The following SLC33A2 variants were observed in gnomAD, a reference collection of about 807,000 sequenced individuals.
The protein encoded by SLC33A2 is major facilitator superfamily domain containing 3.
At chr8:144,509,896 G>A in the SLC33A2 span, 3 of 1,550,250 alleles carry the variant, frequency 1.9e-6, no homozygotes, top group South Asian at 1.2e-5. Flanking sequence ...CCAGCCCTGC[G>A]GCGGCTCCCA....
chr8:144,511,024 C>G, the SLC33A2 span: 113 of 1,603,172 alleles, frequency 7.0e-5, no homozygotes, highest in Non-Finnish European at 9.0e-5. Flanking sequence ...CACGCTGGAG[C>G]TGCTGGGGAA....
At chr8:144,509,835 C>T in the SLC33A2 span, 22 of 1,537,134 alleles carry the variant, frequency 1.4e-5, no homozygotes, top group Non-Finnish European at 1.8e-5. Context: ...GCAACTCTTT[C>T]TGCTCCTGGC....
chr8:144,509,609 T>A, the SLC33A2 span: 1 of 1,552,024 alleles, frequency 6.4e-7, no homozygotes, highest in African/African-American at 1.4e-5. Context: ...CTCCTGGAGC[T>A]GGCCAGGCCG....
At chr8:144,509,155 A>T in the SLC33A2 span, 1 of 579,824 alleles carries the variant, frequency 1.7e-6, no homozygotes, top group Non-Finnish European at 2.7e-6. Context: ...TGGGGTGTTG[A>T]TGCTCCTAAA....
At chr8:144,510,032 G>T in the SLC33A2 span, 234 of 1,586,586 alleles carry the variant, frequency 1.5e-4, no homozygotes, top group Non-Finnish European at 1.9e-4. Flanking sequence ...GAGGCCTCGA[G>T]CCAGGCAACA....
At chr8:144,509,748 C>CAGGT in the SLC33A2 span, 38 of 1,566,150 alleles carry the variant, frequency 2.4e-5, no homozygotes, top group Non-Finnish European at 3.3e-5. Flanking sequence ...CAATACCGTG[C>CAGGT]AGGTGGTCGC....
At chr8:144,510,119 G>A in the SLC33A2 span, 7 of 1,392,438 alleles carry the variant, frequency 5.0e-6, no homozygotes, top group African/African-American at 1.4e-5. Flanking sequence ...GCTCTTTCTG[G>A]GGTATGACCT....
the SLC33A2 span, chr8:144,510,920 G>C: frequency 3.7e-6 from 6 of 1,602,286 alleles, no homozygotes; most frequent in Non-Finnish European, 5.1e-6. Context: ...AGATGTAGCA[G>C]GGACACAAGA....
chr8:144,509,663 G>T, the SLC33A2 span: 1 of 1,552,862 alleles, frequency 6.4e-7, no homozygotes, highest in East Asian at 2.4e-5. Context: ...TGTTGAACCT[G>T]GGTGCCGCCA....
chr8:144,509,554 C>T, the SLC33A2 span: 1 of 1,518,858 alleles, frequency 6.6e-7, no homozygotes, highest in South Asian at 1.2e-5. Flanking sequence ...ACGCGCAGCA[C>T]GGCGGGCCTG....
the SLC33A2 span, chr8:144,509,599 C>G: frequency 6.5e-7 from 1 of 1,545,896 alleles, no homozygotes; most frequent in South Asian, 1.2e-5. Flanking sequence ...GGGCTGCCCC[C>G]TCCTGGAGCT....
At chr8:144,510,891 C>CA in the SLC33A2 span, 1 of 1,605,746 alleles carries the variant, frequency 6.2e-7, no homozygotes, top group African/African-American at 1.3e-5. Context: ...AGCTGGCCCC[C>CA]AGGGCCCTGC....
At chr8:144,510,272 C>A in the SLC33A2 span, 1 of 1,560,486 alleles carries the variant, frequency 6.4e-7, no homozygotes, top group Non-Finnish European at 8.7e-7. Context: ...CTGAGGAGAG[C>A]AGGGCAGGAC....
chr8:144,510,083 G>A, the SLC33A2 span: 148 of 1,520,306 alleles, frequency 9.7e-5, no homozygotes, highest in Non-Finnish European at 1.3e-4. Flanking sequence ...GTGTCCCCAG[G>A]GGCTTGCAAC....
chr8:144,509,596 C>G, the SLC33A2 span: 1 of 1,542,968 alleles, frequency 6.5e-7, no homozygotes, highest in East Asian at 2.4e-5. Context: ...GCCGGGCTGC[C>G]CCCTCCTGGA....
chr8:144,510,903 G>C, the SLC33A2 span: 3 of 1,604,676 alleles, frequency 1.9e-6, no homozygotes, highest in East Asian at 2.2e-5. Flanking sequence ...GGGCCCTGCA[G>C]GTGAGTAGAT....
chr8:144,510,879 CCAGCTGGCCCCCAGGGCCCTGCA>C, the SLC33A2 span: 1 of 1,607,808 alleles, frequency 6.2e-7, no homozygotes, highest in Non-Finnish European at 8.5e-7. Flanking sequence ...TGCGCTGCAG[CCAGCTGGCCCCCAGGGCCCTGCA>C]GGTGAGTAGA....
chr8:144,510,720 G>A, the SLC33A2 span: 2 of 1,589,920 alleles, frequency 1.3e-6, no homozygotes, highest in Non-Finnish European at 1.7e-6. Context: ...ACAATCTTGA[G>A]AGGTGAGGGG....
chr8:144,510,741 G>T, the SLC33A2 span: 1 of 1,602,538 alleles, frequency 6.2e-7, no homozygotes, highest in Non-Finnish European at 8.5e-7. Flanking sequence ...CTGGCCTTGA[G>T]GAGGAAGAGA....
Sources: allele counts gnomAD v4.1 joint callset, GRCh38; gene constraint gnomAD v4.1.1; transcripts MANE v1.5; gene names NCBI Gene and HGNC (gene_info 2026-07-23, HGNC 2026-07-21).